The following EPS8 variants were observed in gnomAD, a reference collection of about 807,000 sequenced individuals.
The protein encoded by EPS8 is epidermal growth factor receptor kinase substrate 8.
Under a neutral mutation model 103.8 loss-of-function variants are expected in EPS8, and 42 were observed. The ratio of observed to expected loss-of-function variants is 0.40; its 90% CI spans 0.32 to 0.52. EPS8 has a LOEUF of 0.52. Among genes scored for constraint, EPS8 ranks in the 20% least tolerant of loss-of-function variants. The pLI is 0.40. For missense variants in EPS8, 969 were observed against 1,005.1 expected (o/e 0.96, Z 0.49); for synonymous variants, 344 against 344.6 (o/e 1.00, Z 0.02).
rs184197503 is a variant in EPS8 at position 15,788,643 on chromosome 12, T to G, written c.-22+518A>C. Among the ~76,000 whole-genome samples the G allele has an allele frequency of 4.3e-3, 650 of 152,290 alleles. 3 individuals carry two copies. The highest frequency in any genetic ancestry group is 6.9e-3 in the Non-Finnish European group (468 of 68,032). ...TAAGAAAGTCAACAGCCATTAGGCA[T>G]TGACAACGATTCCGAAACAATTAGC... On this transcript the variant is annotated intron_variant, in intron 1 of 20. Transcript: ENST00000281172.
intron 18 of EPS8, among the ~76,000 whole-genome samples, chr12:15,626,878 TC>T (rs1271936184): frequency 6.6e-6 from 1 of 152,032 alleles, no homozygotes; most frequent in Non-Finnish European, 1.5e-5. Context: ...AGCTTACTCC[TC>T]CCCACCTTTC....
At chr12:15,718,002 AAG>A (rs1946551673) in intron 1 of EPS8, among the ~76,000 whole-genome samples, 1 of 152,216 alleles carries the variant, frequency 6.6e-6, no homozygotes, top group South Asian at 2.1e-4. Context: ...TTGGTGGAAA[AAG>A]TGATTTCTCA....
rs1946253255 is a variant in EPS8 at position 15,697,076 on chromosome 12, A to G, written c.-21-14104T>C. Among the ~76,000 whole-genome samples the G allele has an allele frequency of 6.6e-6, 1 of 152,200 alleles. No individual in the cohort carries two copies. On this transcript the variant is annotated intron_variant, in intron 1 of 20. Coordinates refer to ENST00000281172, the MANE Select transcript of EPS8 (RefSeq NM_004447.6). The surrounding 1 kb of genome is among the most constrained non-coding windows in gnomAD (Gnocchi z 5.6). ...CTTTCTTTCTATTCCCACAGTTCCC[A>G]TCTCTAACCAACTGGGAAAATGGCC...
rs1177147656 is a variant in EPS8 at position 15,779,150 on chromosome 12, G to A, written c.-22+10011C>T. 3.9e-5 allele frequency among the ~76,000 whole-genome samples: 6 copies of A among 151,982 alleles called. No individual in the cohort carries two copies. Among genetic ancestry groups the A allele is most frequent in the African/African-American group, 1.4e-4 (6 of 41,380 alleles). ...TGTGCCTCCAAGCCCGGCTAATTTT[G>A]TATTTTTAGTAGAGACAGGGCGTCT... On this transcript the variant is annotated intron_variant, in intron 1 of 20. Transcript: ENST00000281172. This position sits in a 1 kb window ranked among gnomAD's most constrained non-coding sequence, Gnocchi z 4.3.
chr12:15,702,811 G>A lies in EPS8; in HGVS notation c.-21-19839C>T, dbSNP rs1046476655. Among the ~76,000 whole-genome samples the A allele has an allele frequency of 2.0e-5, 3 of 152,116 alleles. No homozygotes were observed. Among genetic ancestry groups the A allele is most frequent in the Non-Finnish European group, 4.4e-5 (3 of 68,032 alleles). On this transcript the variant is annotated intron_variant, in intron 1 of 20. Transcript: ENST00000281172. The surrounding 1 kb of genome is among the most constrained non-coding windows in gnomAD (Gnocchi z 5.1). Reference sequence around the variant, plus strand: ...AGGAATTCTAGCTTATGCACGTAATGGTTATTAAAGGTAAACATTCAATAG... The same window carrying A: ...AGGAATTCTAGCTTATGCACGTAATAGTTATTAAAGGTAAACATTCAATAG...
intron 1 of EPS8, among the ~76,000 whole-genome samples, chr12:15,774,606 A>C (rs1367080386): frequency 1.4e-5 from 2 of 147,792 alleles, no homozygotes; most frequent in Admixed American, 6.8e-5. Flanking sequence ...ACACATATAA[A>C]ATATATATAC....
chr12:15,760,347 G>T lies in EPS8; in HGVS notation c.-22+28814C>A, dbSNP rs1947028803. On this transcript the variant is annotated intron_variant, in intron 1 of 20. Transcript: ENST00000281172. The surrounding 1 kb of genome is among the most constrained non-coding windows in gnomAD (Gnocchi z 4.5). The stretch of plus-strand genomic sequence containing the variant: ...GTAAAATAAAAGCCCAAGACCCAAT[G>T]GCTTCACTGCTAAATTCTACAAAAC... 6.6e-6 allele frequency among the ~76,000 whole-genome samples: 1 copy of T among 151,996 alleles called. No individual in the cohort carries two copies. Among genetic ancestry groups the T allele is most frequent in the South Asian group, 2.1e-4 (1 of 4,824 alleles).
intron 3 of EPS8, among the ~76,000 whole-genome samples, chr12:15,671,333 T>C (rs768420085): frequency 2.0e-5 from 3 of 152,114 alleles, no homozygotes; most frequent in Admixed American, 6.5e-5. Context: ...GATACTGTAT[T>C]ATATGAGTTA....
In EPS8 at chr12:15,757,585, G is replaced by A. The variant is rs935630297; in HGVS notation, c.-22+31576C>T. ...CCAGAAGTTGCAGTGAGTTGAGATC[G>A]CGCCACTGCACTCCAGCCTGGCAAC... On this transcript the variant is annotated intron_variant, in intron 1 of 20. Coordinates refer to ENST00000281172, the MANE Select transcript of EPS8 (RefSeq NM_004447.6). The surrounding 1 kb of genome is among the most constrained non-coding windows in gnomAD (Gnocchi z 4.1). Among the ~76,000 whole-genome samples the A allele has an allele frequency of 9.9e-5, 15 of 151,772 alleles. No individual in the cohort carries two copies. Among genetic ancestry groups the A allele is most frequent in the Non-Finnish European group, 1.8e-4 (12 of 67,966 alleles).
At chr12:15,750,887 C>A (rs1946924774) in intron 1 of EPS8, among the ~76,000 whole-genome samples, 1 of 152,030 alleles carries the variant, frequency 6.6e-6, no homozygotes, top group Non-Finnish European at 1.5e-5. Flanking sequence ...TAAAAATATC[C>A]CTTCTTTTTT....
In EPS8 at chr12:15,630,183, GTCTC is replaced by G. The variant is rs894463616; in HGVS notation, c.2044+1255_2044+1258del. 1.4e-4 allele frequency among the ~76,000 whole-genome samples: 19 copies of G among 134,376 alleles called. No homozygotes were observed. The East Asian group carries it at 2.9e-3, about 21-fold the overall frequency. The allele number at this position is 134,376 out of a possible 152,430, so 88.2% of individuals were successfully genotyped here. A position where few individuals can be genotyped will look rare whatever the true frequency, so the allele number is the denominator to read the frequency against. On this transcript the variant is annotated intron_variant, in intron 18 of 20. Transcript: ENST00000281172. ...GATAGATATCCATCTCTCTCTCTCT[GTCTC>G]TCTATCTCTCTCTCACTCACACACA...
At chr12:15,766,745 G>A (rs540892260) in intron 1 of EPS8, among the ~76,000 whole-genome samples, 73 of 151,626 alleles carry the variant, frequency 4.8e-4, no homozygotes, top group Middle Eastern at 6.9e-3. Context: ...ACCCTTATCC[G>A]AGTTAAAGCT....
intron 18 of EPS8, 100 bp downstream of exon 18, chr12:15,631,342 T>C: frequency 6.5e-7 from 1 of 1,528,036 alleles, no homozygotes; most frequent in Non-Finnish European, 8.9e-7. Context: ...CATGCAAGTA[T>C]AAAGGACTTT....
At chr12:15,654,423 A>G in intron 12 of EPS8, 130 bp from the exon 13 acceptor site, 1 of 813,056 alleles carries the variant, frequency 1.2e-6, no homozygotes, top group Non-Finnish European at 2.0e-6. Context: ...GATGCTGTGC[A>G]ATGTGCTACT....
intron 1 of EPS8, among the ~76,000 whole-genome samples, chr12:15,723,442 T>C (rs1255022420): frequency 1.3e-5 from 2 of 152,242 alleles, no homozygotes; most frequent in Admixed American, 1.3e-4. Flanking sequence ...TGATTTTTCA[T>C]CTTTTTCCTT....
At position 15,717,256 on chromosome 12, in the gene EPS8, T is replaced by C. The variant is rs1030461988; in HGVS notation, c.-21-34284A>G. 9.2e-5 allele frequency among the ~76,000 whole-genome samples: 14 copies of C among 152,110 alleles called. No individual in the cohort carries two copies. Among genetic ancestry groups the C allele is most frequent in the Non-Finnish European group, 2.1e-4 (14 of 68,016 alleles). On this transcript the variant is annotated intron_variant, in intron 1 of 20. Transcript: ENST00000281172. This position sits in a 1 kb window ranked among gnomAD's most constrained non-coding sequence, Gnocchi z 4.3. Reference sequence around the variant, plus strand: ...AATGAGTCAGTATGGGTTGAAGCTATTGTTTGGCTGTAGAGCTAGGATTAA... The same window carrying C: ...AATGAGTCAGTATGGGTTGAAGCTACTGTTTGGCTGTAGAGCTAGGATTAA...
Position 15,762,814 on chromosome 12 carries a change from T to C in EPS8, c.-22+26347A>G, listed in dbSNP as rs1188699015. ...GATATGGTTAATGAGTATTAAAAAA[T>C]AGTTAAAAAGAATAAGACCTAGTAT... On this transcript the variant is annotated intron_variant, in intron 1 of 20. Transcript: ENST00000281172. The surrounding 1 kb of genome is among the most constrained non-coding windows in gnomAD (Gnocchi z 4.8). Among the ~76,000 whole-genome samples the C allele has an allele frequency of 3.3e-5, 5 of 152,110 alleles. No homozygotes were observed. The highest frequency in any genetic ancestry group is 7.4e-5 in the Non-Finnish European group (5 of 68,016).
In EPS8 at chr12:15,739,956, G is replaced by A. The variant is rs77143380; in HGVS notation, c.-22+49205C>T. On this transcript the variant is annotated intron_variant, in intron 1 of 20. Coordinates refer to ENST00000281172, the MANE Select transcript of EPS8 (RefSeq NM_004447.6). ...AAAAAGCAATGTTTGTTTCCTTGTG[G>A]GAGTCTACCATTTTCAACTCTTACA... Among the ~76,000 whole-genome samples, 1,212 of 152,080 alleles carry A rather than the reference G, an allele frequency of 8.0e-3. 15 individuals are homozygous for A. The highest frequency in any genetic ancestry group is 0.027 in the African/African-American group (1,131 of 41,474).
intron 17 of EPS8, among the ~76,000 whole-genome samples, chr12:15,634,972 G>A (rs1262836135): frequency 6.6e-6 from 1 of 152,044 alleles, no homozygotes; most frequent in African/African-American, 2.4e-5. Context: ...TAATCATATA[G>A]ATTCTACTAT....
Sources: allele counts gnomAD v4.1 joint callset (sites outside exome capture counted in the v4.1 genomes callset), GRCh38; gene constraint gnomAD v4.1.1; non-coding constraint Gnocchi (gnomAD v3.1); transcripts MANE v1.5; gene names NCBI Gene and HGNC (gene_info 2026-07-23, HGNC 2026-07-21).